LMO7: variants seen among roughly 807,000 people sequenced by gnomAD.
The protein encoded by LMO7 is LIM domain only protein 7.
A neutral mutation model predicts 206.5 loss-of-function variants in LMO7; 120 were observed. That is an observed-to-expected ratio of 0.58 (90% confidence interval 0.50 to 0.68). LMO7 has a LOEUF of 0.68. Among genes scored for constraint, LMO7 ranks in the 30% least tolerant of loss-of-function variants. The pLI, the probability that LMO7 is intolerant of heterozygous loss-of-function variation, is 0.00. For synonymous variants in LMO7, 706 were observed against 681.5 expected (o/e 1.04, Z -0.56); for missense variants, 1,959 against 1,957.9 (o/e 1.00, Z -0.01).
At chr13:75,750,458 TG>T (rs543224369) in intron 3 of LMO7, among the ~76,000 whole-genome samples, 5 of 148,150 alleles carry the variant, frequency 3.4e-5, no homozygotes, top group Non-Finnish European at 7.4e-5. Flanking sequence ...GGTGCAGTCA[TG>T]GCTCACTGCA....
At chr13:75,730,024 G>T (rs1471284988) in intron 3 of LMO7, among the ~76,000 whole-genome samples, 6 of 151,966 alleles carry the variant, frequency 3.9e-5, no homozygotes, top group South Asian at 4.1e-4. Flanking sequence ...GCTGGATTCG[G>T]TTTGCCAGTA....
chr13:75,806,310 A>G, intron 9 of LMO7: 1 of 915,602 alleles, frequency 1.1e-6, no homozygotes. Flanking sequence ...GCCTCAGACA[A>G]CCCTCTGCCT....
chr13:75,658,440 ATTTC>A (rs1480361666), intron 1 of LMO7, among the ~76,000 whole-genome samples: 1 of 152,026 alleles, frequency 6.6e-6, no homozygotes, highest in South Asian at 2.1e-4. Context: ...AATAGAGCAT[ATTTC>A]TTTATTTTCC....
At chr13:75,739,107 G>T (rs1213809668) in intron 3 of LMO7, among the ~76,000 whole-genome samples, 10 of 152,192 alleles carry the variant, frequency 6.6e-5, no homozygotes, top group Admixed American at 6.5e-4. Context: ...AATCATCCCT[G>T]ATTGAGAACT....
intron 1 of LMO7, among the ~76,000 whole-genome samples, chr13:75,674,237 C>T (rs1469487065): frequency 1.3e-5 from 2 of 152,196 alleles, no homozygotes; most frequent in Non-Finnish European, 2.9e-5. Context: ...TTAAACACAT[C>T]TGAAATGAAC....
chr13:75,644,689 T>C (rs2036858330), intron 1 of LMO7, among the ~76,000 whole-genome samples: 1 of 152,180 alleles, frequency 6.6e-6, no homozygotes. Flanking sequence ...AGTGCAGTGG[T>C]ATGATCATAG....
intron 6 of LMO7, 58 bp downstream of exon 6, chr13:75,796,807 T>G: frequency 9.6e-7 from 1 of 1,041,724 alleles, no homozygotes; most frequent in Non-Finnish European, 1.5e-6. Flanking sequence ...CTGCTTTCCC[T>G]TCCTCCTCTC....
intron 1 of LMO7, among the ~76,000 whole-genome samples, chr13:75,674,304 G>A (rs905512980): frequency 3.3e-5 from 5 of 152,108 alleles, no homozygotes; most frequent in Non-Finnish European, 7.4e-5. Context: ...CTCCAGTTTA[G>A]GAAACATTTA....
intron 30 of LMO7, 62 bp from the exon 31 acceptor site, chr13:75,857,859 G>A (rs936786601): frequency 2.5e-6 from 3 of 1,187,232 alleles, no homozygotes; most frequent in Non-Finnish European, 3.6e-6. Context: ...ATGTATCCCA[G>A]ATGGCAATAT....
intron 1 of LMO7, among the ~76,000 whole-genome samples, chr13:75,707,071 T>C (rs9573626): frequency 0.078 from 11,777 of 151,862 alleles, 1,023 homozygotes; most frequent in African/African-American, 0.21. Context: ...CCTTTAGGTA[T>C]GGGAGATTTA....
Position 75,856,524 on chromosome 13 carries a change from G to T in LMO7, c.4789G>T (p.Asp1597Tyr), listed in dbSNP as rs1394695340. The T allele has an allele frequency of 6.2e-7, 1 of 1,606,994 alleles. No homozygotes were observed. The highest frequency in any genetic ancestry group is 8.5e-7 in the Non-Finnish European group (1 of 1,174,500). The change falls in exon 30 of 31, where the codon GAC becomes TAC. Residue 1597 changes from aspartate (D) to tyrosine (Y), a missense_variant. By Grantham distance (160) the Asp-to-Tyr change is radical (BLOSUM62 -3). Transcript: ENST00000377534. ...TCCCCAGTGTGTTGCCTGTGAGTGT[G>T]ACCTCGGAGGCTCTTCCTCAGGAGC... ...HCFKCVACECDLGGSSSGAEV... is the reference protein window; with the variant it reads ...HCFKCVACECYLGGSSSGAEV...
chr13:75,737,479 C>A (rs535666856), intron 3 of LMO7, among the ~76,000 whole-genome samples: 1 of 149,572 alleles, frequency 6.7e-6, no homozygotes, highest in Non-Finnish European at 1.5e-5. Flanking sequence ...CTTGGCCGGG[C>A]GCGGTGGCTC....
chr13:75,795,431 T>C lies in LMO7; in HGVS notation c.348T>C (p.Asn116=). The change falls in exon 5 of 31, where the codon AAT becomes AAC. Residue 116 remains asparagine (N), a splice_region_variant and synonymous_variant. Transcript: ENST00000377534. The part of the protein sequence containing the change: ...KQEETDRRVK[N]VLITLYWLGR... The stretch of plus-strand genomic sequence containing the variant: ...AAGAGACTGACAGGAGAGTGAAAAA[T>C]GTAAGATACATTTACCTTAATGGAG... The C allele has an allele frequency of 6.3e-7, 1 of 1,587,148 alleles. No individual in the cohort carries two copies. The highest frequency in any genetic ancestry group is 8.6e-7 in the Non-Finnish European group (1 of 1,160,110).
intron 11 of LMO7, among the ~76,000 whole-genome samples, chr13:75,815,249 A>G (rs1331714039): frequency 3.3e-5 from 5 of 151,344 alleles, no homozygotes; most frequent in Non-Finnish European, 5.9e-5. Context: ...GATTACTGTG[A>G]TAATTGTGAT....
chr13:75,760,296 G>A (rs774063348), intron 3 of LMO7: 7 of 925,810 alleles, frequency 7.6e-6, no homozygotes, highest in Non-Finnish European at 9.0e-6. Context: ...AGCTCTTGAG[G>A]CAGGTGCAGG....
At chr13:75,802,866 A>C (rs1262985534) in intron 7 of LMO7, among the ~76,000 whole-genome samples, 1 of 152,204 alleles carries the variant, frequency 6.6e-6, no homozygotes, top group East Asian at 1.9e-4. Context: ...TATTTTTAGG[A>C]TAACAGAATT....
chr13:75,840,907 T>TGGGG (rs2059510476), intron 22 of LMO7, among the ~76,000 whole-genome samples: 1 of 152,154 alleles, frequency 6.6e-6, no homozygotes, highest in Non-Finnish European at 1.5e-5. Flanking sequence ...GTGTCTACCT[T>TGGGG]TTTACCCCAG....
chr13:75,621,584 T>G (rs554110786), exon 1 of LMO7: 2 of 446,344 alleles, frequency 4.5e-6, no homozygotes, highest in Admixed American at 8.5e-5. Context: ...TTTATAGCTA[T>G]TTGAATTTTG....
chr13:75,812,956 T>C (rs1376048444), intron 11 of LMO7, among the ~76,000 whole-genome samples: 3 of 152,250 alleles, frequency 2.0e-5, no homozygotes, highest in Admixed American at 1.3e-4. Context: ...CCTGATGCTA[T>C]CTTTGGTACT....
Sources: allele counts gnomAD v4.1 joint callset (sites outside exome capture counted in the v4.1 genomes callset), GRCh38; gene constraint gnomAD v4.1.1; transcripts MANE v1.5; gene names NCBI Gene and HGNC (gene_info 2026-07-23, HGNC 2026-07-21).